Variants in ZNF736 observed in about 807,000 individuals in gnomAD.
ZNF736 encodes the protein KRAB-containing zinc-finger repressor protein.
Under a neutral mutation model 11.7 loss-of-function variants are expected in ZNF736, and 6 were observed. The ratio of observed to expected loss-of-function variants is 0.51; its 90% CI spans 0.28 to 1.01. The LOEUF is 1.01. Among genes scored for constraint, ZNF736 ranks in the 50% least tolerant of loss-of-function variants. ZNF736 has a pLI of 0.09. For synonymous variants in ZNF736, 139 were observed against 164.7 expected, an observed-to-expected ratio of 0.84 and a Z score of 1.19; for missense variants, 444 against 496.0, an observed-to-expected ratio of 0.90 and a Z score of 1.00.
chr7:64,343,953 C>CTTTTT (rs142010013), intron 3 of ZNF736, among the ~76,000 whole-genome samples: 15 of 147,962 alleles, frequency 1.0e-4, no homozygotes, highest in Middle Eastern at 3.2e-3. Context: ...TGTATATTTG[C>CTTTTT]TTTTTTTTTT....
rs796872926 is a variant in ZNF736, at chr7:64,350,080, A to G, written c.*933A>G. ...GGGGTATCTTACTGGGGTTCTCCAC[A>G]TTTCCTGCATTTGAATGTTGGCCTC... On this transcript the variant is annotated 3_prime_UTR_variant, in exon 4 of 4. Coordinates refer to ENST00000423484, the MANE Select transcript of ZNF736 (RefSeq NM_001170905.3). The G allele has an allele frequency of 4.8e-4, 73 of 152,168 alleles. No homozygotes were observed. Among genetic ancestry groups the G allele is most frequent in the African/African-American group, 1.7e-3 (71 of 41,512 alleles). 9.4% of individuals were successfully genotyped at this position (152,168 alleles called of 1,614,324 possible).
At chr7:64,328,318 CCTGTAAGATTTCCATCTCCTGGT>C (rs1789110292) in intron 1 of ZNF736, among the ~76,000 whole-genome samples, 1 of 151,340 alleles carries the variant, frequency 6.6e-6, no homozygotes, top group African/African-American at 2.4e-5. Context: ...AAAGTTCTGG[CCTGTAAGATTTCCATCTCCTGGT>C]CTGTAAGATT....
chr7:64,318,638 A>G (rs982495326), intron 1 of ZNF736, among the ~76,000 whole-genome samples: 2 of 152,200 alleles, frequency 1.3e-5, no homozygotes, highest in Non-Finnish European at 1.5e-5. Flanking sequence ...TAAACTAGTC[A>G]TGTTTACCAA....
chr7:64,315,184 A>G (rs1347213820), intron 1 of ZNF736, among the ~76,000 whole-genome samples: 1 of 152,008 alleles, frequency 6.6e-6, no homozygotes, highest in Non-Finnish European at 1.5e-5. Flanking sequence ...TATGCTTTCT[A>G]TGCAGCCTGT....
intron 1 of ZNF736, among the ~76,000 whole-genome samples, chr7:64,321,400 A>G (rs1788999554): frequency 6.6e-6 from 1 of 152,216 alleles, no homozygotes; most frequent in African/African-American, 2.4e-5. Context: ...TAGAAGCAAT[A>G]GAAAACAGCT....
At position 64,344,078 on chromosome 7, in the gene ZNF736, A is replaced by C. The variant is rs181095830; in HGVS notation, c.227-4012A>C. Among the ~76,000 whole-genome samples, 891 of 152,202 alleles carry C rather than the reference A, an allele frequency of 5.9e-3. 8 individuals carry two copies. Among genetic ancestry groups the C allele is most frequent in the African/African-American group, 0.019 (805 of 41,516 alleles). Reference sequence around the variant, plus strand: ...TGCACTTTGGGAGGCGAAGGTGGGCAGGTCACCTGAGGTCAGAAGTTCAAG... The same window carrying C: ...TGCACTTTGGGAGGCGAAGGTGGGCCGGTCACCTGAGGTCAGAAGTTCAAG... On this transcript the variant is annotated intron_variant, in intron 3 of 3. Transcript: ENST00000423484.
At chr7:64,323,144 A>T (rs574296945) in intron 1 of ZNF736, among the ~76,000 whole-genome samples, 1 of 152,180 alleles carries the variant, frequency 6.6e-6, no homozygotes, top group Non-Finnish European at 1.5e-5. Flanking sequence ...AACCAATTAC[A>T]GCTGTGACAT....
At chr7:64,314,893 A>G (rs1353457937) in intron 1 of ZNF736, among the ~76,000 whole-genome samples, 43 of 152,134 alleles carry the variant, frequency 2.8e-4, no homozygotes, top group Admixed American at 2.8e-3. Flanking sequence ...CAACTTTAGG[A>G]TATAATTTGG....
chr7:64,316,618 C>G (rs1788921028), intron 1 of ZNF736, among the ~76,000 whole-genome samples: 1 of 152,182 alleles, frequency 6.6e-6, no homozygotes, highest in Non-Finnish European at 1.5e-5. Context: ...GAGTCTAAAA[C>G]ATTTGTGTTC....
Position 64,319,488 on chromosome 7 carries a change from C to CTTTTTTTTTTTTTTTTTTT in ZNF736, c.3+5335_3+5336insTTTTTTTTTTTTTTTTTTT, listed in dbSNP as rs1408764142. 2.8e-4 allele frequency among the ~76,000 whole-genome samples: 21 copies of CTTTTTTTTTTTTTTTTTTT among 75,248 alleles called. 10 individuals carry two copies. The highest frequency in any genetic ancestry group is 4.4e-4 in the African/African-American group (8 of 18,344). 49.4% of individuals were successfully genotyped at this position (75,248 alleles called of 152,430 possible). ...CCAGGTAAATAGAAAACATTTCTTC[C>CTTTTTTTTTTTTTTTTTTT]CTTTTTTTTTTTTTTTTTTTTTTTT... On this transcript the variant is annotated intron_variant, in intron 1 of 3. Transcript: ENST00000423484.
At chr7:64,337,136 T>G (rs1789263059) in intron 3 of ZNF736, 154 bp downstream of exon 3, 1 of 680,460 alleles carries the variant, frequency 1.5e-6, no homozygotes, top group African/African-American at 1.8e-5. Context: ...CATAGGGACA[T>G]TTTTTGTCCC....
chr7:64,323,530 G>A (rs7796487), intron 1 of ZNF736, among the ~76,000 whole-genome samples: 99,172 of 152,038 alleles, frequency 0.65, 33,423 homozygotes, highest in African/African-American at 0.84. Context: ...AATGTGGTAG[G>A]TATATACCAT....
At chr7:64,320,166 CA>C (rs1288323216) in intron 1 of ZNF736, among the ~76,000 whole-genome samples, 1 of 151,998 alleles carries the variant, frequency 6.6e-6, no homozygotes, top group Non-Finnish European at 1.5e-5. Context: ...AGAGAAATAA[CA>C]AAAAAATTGT....
chr7:64,351,238 G>C lies in ZNF736; in HGVS notation c.*2091G>C, dbSNP rs568861057. ...GTTTTCTGGCTCTCTGCCCACCAAAGTTTCATCTACAATGGCAGTTGCTGG... is the reference window on the plus strand; with the variant it reads ...GTTTTCTGGCTCTCTGCCCACCAAACTTTCATCTACAATGGCAGTTGCTGG... On this transcript the variant is annotated 3_prime_UTR_variant, in exon 4 of 4. Coordinates refer to ENST00000423484, the MANE Select transcript of ZNF736 (RefSeq NM_001170905.3). 2 of 152,510 alleles carry C rather than the reference G, an allele frequency of 1.3e-5. No individual in the cohort carries two copies. Among genetic ancestry groups the C allele is most frequent in the South Asian group, 4.1e-4 (2 of 4,832 alleles). 9.4% of individuals were successfully genotyped at this position (152,510 alleles called of 1,614,324 possible).
rs1190428928 is a variant in ZNF736 at position 64,352,868 on chromosome 7, A to C, written c.*3721A>C. The C allele has an allele frequency of 6.6e-6, 1 of 152,228 alleles. No individual in the cohort carries two copies. Among genetic ancestry groups the C allele is most frequent in the Non-Finnish European group, 1.5e-5 (1 of 68,068 alleles). 9.4% of individuals were successfully genotyped at this position (152,228 alleles called of 1,614,324 possible). ...CCCAGGGAGGTGCAGTGCTGCTACCAATGGTTGGCTGGAATCTAAGCCAGT... is the reference window on the plus strand; with the variant it reads ...CCCAGGGAGGTGCAGTGCTGCTACCCATGGTTGGCTGGAATCTAAGCCAGT... On this transcript the variant is annotated 3_prime_UTR_variant, in exon 4 of 4. Transcript: ENST00000423484.
rs1225099291 is a variant in ZNF736, at chr7:64,348,780, T to C, written c.917T>C (p.Ile306Thr). ...TCAGACCTTGCTAAACATAAGATAA[T>C]TCATACTGGAGACAAACCCTACACA... ...WFSDLAKHKI[I>T]HTGDKPYTCN... Residue 306 changes from isoleucine (I) to threonine (T), a missense_variant, in exon 4 of 4, where the codon ATT becomes ACT. Transcript: ENST00000423484. The C allele has an allele frequency of 1.9e-6, 3 of 1,588,276 alleles. No homozygotes were observed. The highest frequency in any genetic ancestry group is 3.6e-5 in the Admixed American group (2 of 55,632).
intron 1 of ZNF736, among the ~76,000 whole-genome samples, chr7:64,316,355 C>G (rs73366168): frequency 0.02 from 2,985 of 152,302 alleles, 87 homozygotes; most frequent in African/African-American, 0.068. Context: ...TGGTGGTCAA[C>G]CAATCAGGTG....
At chr7:64,321,683 A>C (rs1273562990) in intron 1 of ZNF736, among the ~76,000 whole-genome samples, 1 of 152,154 alleles carries the variant, frequency 6.6e-6, no homozygotes, top group Non-Finnish European at 1.5e-5. Flanking sequence ...ACACTCAACA[A>C]TGTACTGGGA....
intron 1 of ZNF736, among the ~76,000 whole-genome samples, chr7:64,322,918 T>C (rs1267235959): frequency 6.6e-6 from 1 of 152,238 alleles, no homozygotes; most frequent in African/African-American, 2.4e-5. Context: ...ACAAAACTAC[T>C]TAGTCACTCT....
Sources: gnomAD v4.1 joint callset for allele counts (sites outside exome capture counted in the v4.1 genomes callset) on GRCh38, gnomAD v4.1.1 for gene constraint, MANE v1.5 for transcripts, NCBI Gene and HGNC (gene_info 2026-07-23, HGNC 2026-07-21) for gene names.